The following DLGAP1 variants were observed in gnomAD, a reference collection of about 807,000 sequenced individuals.
The protein encoded by DLGAP1 is disks large-associated protein 1.
A neutral mutation model predicts 90.8 loss-of-function variants in DLGAP1; 11 were observed. The ratio of observed to expected loss-of-function variants is 0.12; its 90% confidence interval spans 0.08 to 0.20. DLGAP1 has a LOEUF of 0.20. Among genes scored for constraint, DLGAP1 ranks in the 10% least tolerant of loss-of-function variants. The pLI is 1.00. For synonymous variants in DLGAP1, 558 were observed against 540.7 expected (o/e 1.03, Z -0.44); for missense variants, 1,050 against 1,333.8 (o/e 0.79, Z 3.31).
chr18:3,534,753 G>A lies in DLGAP1; in HGVS notation c.2058-138C>T, dbSNP rs1273185957. The A allele has an allele frequency of 3.5e-5, 28 of 805,510 alleles. 1 individual carries two copies. The highest frequency in any genetic ancestry group is 3.9e-4 in the Middle Eastern group (1 of 2,588). The allele number at this position is 805,510 out of a possible 1,614,324, so 49.9% of individuals were successfully genotyped here. ...TCTCCCAGGCTGGAGTGCAAGTGGC[G>A]TGATCTCGGCTCACAGCAACCTCCA... On this transcript the variant is annotated intron_variant, in intron 9 of 12. Transcript: ENST00000315677.
chr18:4,089,355 A>G (rs1296265229), intron 2 of DLGAP1, among the ~76,000 whole-genome samples: 1 of 152,212 alleles, frequency 6.6e-6, no homozygotes, highest in East Asian at 1.9e-4. Flanking sequence ...AAGAATAAAT[A>G]TTGTGAAAAT....
chr18:3,859,896 C>T (rs971715870), intron 4 of DLGAP1, among the ~76,000 whole-genome samples: 7 of 151,922 alleles, frequency 4.6e-5, no homozygotes, highest in Non-Finnish European at 8.8e-5. Context: ...GTCAGGAGAT[C>T]GAGACCATCC....
chr18:4,394,577 A>G (rs7244876), intron 1 of DLGAP1, among the ~76,000 whole-genome samples: 31,072 of 152,096 alleles, frequency 0.2, 5,178 homozygotes, highest in African/African-American at 0.46. Flanking sequence ...GGGTTTAATC[A>G]ATTTTTGGAA....
intron 2 of DLGAP1, among the ~76,000 whole-genome samples, chr18:4,036,764 A>C (rs1568363570): frequency 6.6e-6 from 1 of 152,206 alleles, no homozygotes; most frequent in Non-Finnish European, 1.5e-5. Flanking sequence ...GCCTGAAAGA[A>C]GGGGAGTTGT....
chr18:4,073,801 G>A (rs1298140210), intron 2 of DLGAP1, among the ~76,000 whole-genome samples: 1 of 152,124 alleles, frequency 6.6e-6, no homozygotes, highest in Non-Finnish European at 1.5e-5. Flanking sequence ...TTAGTCAAAT[G>A]AGTCAATGAA....
intron 3 of DLGAP1, among the ~76,000 whole-genome samples, chr18:3,911,680 T>C (rs2072037018): frequency 6.6e-6 from 1 of 152,226 alleles, no homozygotes; most frequent in Non-Finnish European, 1.5e-5. Flanking sequence ...AGTTTTCTAA[T>C]GAGCTGATTG....
intron 7 of DLGAP1, among the ~76,000 whole-genome samples, chr18:3,664,604 T>C (rs2059812461): frequency 6.6e-6 from 1 of 152,200 alleles, no homozygotes; most frequent in Non-Finnish European, 1.5e-5. Flanking sequence ...AAGTTCTCCC[T>C]GAGCCTCTAG....
chr18:3,889,801 T>C (rs975387657), intron 3 of DLGAP1, among the ~76,000 whole-genome samples: 1 of 152,040 alleles, frequency 6.6e-6, no homozygotes, highest in Non-Finnish European at 1.5e-5. Flanking sequence ...CAAGGTCAAG[T>C]AAAGGAAGGG....
At chr18:3,628,697 A>C (rs973167053) in intron 7 of DLGAP1, among the ~76,000 whole-genome samples, 3 of 152,138 alleles carry the variant, frequency 2.0e-5, no homozygotes, top group Non-Finnish European at 4.4e-5. Flanking sequence ...ATATAGCTTG[A>C]TTATGCCTGG....
chr18:4,407,017 C>G (rs932952196), intron 1 of DLGAP1, among the ~76,000 whole-genome samples: 1 of 152,200 alleles, frequency 6.6e-6, no homozygotes, highest in African/African-American at 2.4e-5. Context: ...AAATTGCACT[C>G]TCCTGTCACA....
chr18:3,891,641 G>A (rs778698809), intron 3 of DLGAP1, among the ~76,000 whole-genome samples: 17 of 152,108 alleles, frequency 1.1e-4, no homozygotes, highest in African/African-American at 3.1e-4. Flanking sequence ...TACCAGGCAC[G>A]TGTTGTCCAC....
intron 3 of DLGAP1, among the ~76,000 whole-genome samples, chr18:3,934,112 TA>T (rs113377005): frequency 0.074 from 11,218 of 152,216 alleles, 863 homozygotes; most frequent in African/African-American, 0.2. Flanking sequence ...GCCTAATCAC[TA>T]AAAAATGGAA....
intron 3 of DLGAP1, among the ~76,000 whole-genome samples, chr18:3,919,476 G>A (rs1327221126): frequency 6.6e-6 from 1 of 152,174 alleles, no homozygotes; most frequent in Non-Finnish European, 1.5e-5. Flanking sequence ...TTGGTAAGAG[G>A]GAGCTACGGA....
At chr18:3,964,723 T>A (rs2073284314) in intron 3 of DLGAP1, among the ~76,000 whole-genome samples, 2 of 152,154 alleles carry the variant, frequency 1.3e-5, no homozygotes, top group African/African-American at 4.8e-5. Context: ...CCACTTAGTG[T>A]TTCAGGAGTT....
intron 2 of DLGAP1, among the ~76,000 whole-genome samples, chr18:4,071,472 TTTCAAGCACAA>T (rs887512638): frequency 1.3e-5 from 2 of 149,066 alleles, no homozygotes; most frequent in Non-Finnish European, 3.0e-5. Flanking sequence ...CCTTTAATGA[TTTCAAGCACAA>T]CTAACCAAAT....
At chr18:3,795,809 T>G (rs902648329) in intron 5 of DLGAP1, among the ~76,000 whole-genome samples, 1 of 152,078 alleles carries the variant, frequency 6.6e-6, no homozygotes, top group Non-Finnish European at 1.5e-5. Context: ...CCAGGGCTTG[T>G]TGAATACAAA....
chr18:4,311,587 G>A (rs1171418107), intron 1 of DLGAP1, among the ~76,000 whole-genome samples: 1 of 152,120 alleles, frequency 6.6e-6, no homozygotes, highest in Non-Finnish European at 1.5e-5. Context: ...TGATTCCAAT[G>A]CTAGAAATTA....
intron 7 of DLGAP1, among the ~76,000 whole-genome samples, chr18:3,650,536 TC>T (rs1246857453): frequency 1.3e-5 from 2 of 152,136 alleles, no homozygotes; most frequent in Non-Finnish European, 2.9e-5. Flanking sequence ...AAGAGAACAT[TC>T]GTTTGTTTAG....
intron 7 of DLGAP1, among the ~76,000 whole-genome samples, chr18:3,674,652 C>G (rs1049230090): frequency 2.2e-4 from 34 of 151,868 alleles, no homozygotes; most frequent in African/African-American, 8.2e-4. Flanking sequence ...CCTGCCACCA[C>G]CACTACCACC....
Sources: gnomAD v4.1 joint callset for allele counts (sites outside exome capture counted in the v4.1 genomes callset) on GRCh38, gnomAD v4.1.1 for gene constraint, MANE v1.5 for transcripts, NCBI Gene and HGNC (gene_info 2026-07-23, HGNC 2026-07-21) for gene names.